The following CNOT1 variants were observed in gnomAD, a reference collection of about 807,000 sequenced individuals.
CNOT1 encodes CCR4-NOT transcription complex subunit 1.
CNOT1 carries 15 observed loss-of-function variants against 273.8 expected under a neutral mutation model. The observed-to-expected ratio is 0.05, with a 90% confidence interval of 0.04 to 0.08. CNOT1 has a LOEUF of 0.08. CNOT1 is among the 10% of genes least tolerant of loss of function. The pLI is 1.00. For synonymous variants in CNOT1, 1,022 were observed against 1,005.5 expected (o/e 1.02, Z -0.31); for missense variants, 1,644 against 2,912.2 (o/e 0.56, Z 10.02).
intron 34 of CNOT1, among the ~76,000 whole-genome samples, chr16:58,541,159 C>T (rs1290784130): frequency 3.3e-5 from 5 of 152,006 alleles, no homozygotes; most frequent in Admixed American, 6.5e-5. Flanking sequence ...GAGCTGAGAT[C>T]GCGCCACTGC....
rs1290438406 is a variant in CNOT1 at position 58,547,950 on chromosome 16, A to C, written c.3523-268T>G. Among the ~76,000 whole-genome samples the C allele has an allele frequency of 2.6e-5, 4 of 152,222 alleles. No individual in the cohort carries two copies. The highest frequency in any genetic ancestry group is 5.9e-5 in the Non-Finnish European group (4 of 68,036). ...ATTGCACAAAATTCAAAAAGAACAC[A>C]AAGTTATGTGCCAGCTATCCTCCCC... On this transcript the variant is annotated intron_variant, in intron 25 of 48. Transcript: ENST00000317147. The surrounding 1 kb of genome is among the most constrained non-coding windows in gnomAD (Gnocchi z 4.0).
In CNOT1 at chr16:58,547,476, C is replaced by A; in HGVS notation, c.3639+90G>T. 1 of 1,523,916 alleles carries A rather than the reference C, an allele frequency of 6.6e-7. No individual in the cohort carries two copies. The highest frequency in any genetic ancestry group is 8.8e-7 in the Non-Finnish European group (1 of 1,132,580). 94.4% of individuals were successfully genotyped at this position (1,523,916 alleles called of 1,614,324 possible). A position where few individuals can be genotyped will look rare whatever the true frequency, so the allele number is the denominator to read the frequency against. ...CGTGGGCCAAAATCTTACAAAACCC[C>A]AATAATCATTAAATAGCTCCAAACA... On this transcript the variant is annotated intron_variant, in intron 26 of 48. Transcript: ENST00000317147. This position sits in a 1 kb window ranked among gnomAD's most constrained non-coding sequence, Gnocchi z 4.0.
At chr16:58,586,074 T>G (rs995577989) in intron 7 of CNOT1, among the ~76,000 whole-genome samples, 1 of 149,714 alleles carries the variant, frequency 6.7e-6, no homozygotes. Flanking sequence ...AATGCCGATA[T>G]CCAAGGAGGT....
chr16:58,557,500 C>G (rs968154477), intron 18 of CNOT1, among the ~76,000 whole-genome samples: 5 of 152,092 alleles, frequency 3.3e-5, no homozygotes, highest in African/African-American at 1.2e-4. Context: ...TAGAAGCATA[C>G]AGTAGCAACG....
chr16:58,551,454 A>C (rs2040446147), intron 23 of CNOT1, 135 bp downstream of exon 23: 2 of 1,227,714 alleles, frequency 1.6e-6, no homozygotes, highest in Non-Finnish European at 2.3e-6. Flanking sequence ...GATGGGAGAT[A>C]CAAAGGAAGA....
intron 14 of CNOT1, among the ~76,000 whole-genome samples, chr16:58,575,409 A>C (rs2041422590): frequency 6.6e-6 from 1 of 152,182 alleles, no homozygotes; most frequent in Non-Finnish European, 1.5e-5. Flanking sequence ...ACAAGACTCA[A>C]AGCATGAATA....
In CNOT1 at chr16:58,614,499, G is replaced by A. The variant is rs530474823; in HGVS notation, c.-174-14988C>T. On this transcript the variant is annotated intron_variant, in intron 1 of 48. Coordinates refer to ENST00000317147, the MANE Select transcript of CNOT1 (RefSeq NM_016284.5). The stretch of plus-strand genomic sequence containing the variant: ...CAGGCCCCACCAATAATAACAATAG[G>A]CACTGAGTTTCTAGCAAAAGCTTCC... Among the ~76,000 whole-genome samples, 48 of 125,002 alleles carry A rather than the reference G, an allele frequency of 3.8e-4. 7 individuals are homozygous for A. Among genetic ancestry groups the A allele is most frequent in the African/African-American group, 1.3e-3 (48 of 37,108 alleles). 82.0% of individuals were successfully genotyped at this position (125,002 alleles called of 152,430 possible).
At chr16:58,545,948 C>G (rs981719344) in intron 29 of CNOT1, among the ~76,000 whole-genome samples, 1 of 152,196 alleles carries the variant, frequency 6.6e-6, no homozygotes, top group Admixed American at 6.5e-5. Flanking sequence ...ATAAAACAGT[C>G]CCATTCCCTT....
chr16:58,522,511 A>T (rs74769294), intron 47 of CNOT1, among the ~76,000 whole-genome samples: 3 of 123,598 alleles, frequency 2.4e-5, no homozygotes, highest in South Asian at 2.8e-4. Flanking sequence ...TAGGTGACTA[A>T]TTAGGCAAAT....
chr16:58,576,555 T>C lies in CNOT1; in HGVS notation c.1612A>G (p.Ile538Val), dbSNP rs770425261. The C allele has an allele frequency of 9.3e-6, 15 of 1,614,180 alleles. No individual in the cohort carries two copies. The Admixed American group carries it at 2.3e-4, about 25-fold the overall frequency. ...TACCATTCTGCCATTGCATGCATGA[T>C]AAGTTGGCGAATTGAGGGAGACTGT... ...QGQSPSIRQL[I>V]MHAMAEWYMR... Residue 538 changes from isoleucine to valine, a missense_variant, in exon 14 of 49, where the codon ATC becomes GTC. Coordinates refer to ENST00000317147, the MANE Select transcript of CNOT1 (RefSeq NM_016284.5).
intron 14 of CNOT1, 69 bp downstream of exon 14, chr16:58,576,394 A>C: frequency 1.9e-6 from 3 of 1,599,412 alleles, no homozygotes; most frequent in Non-Finnish European, 2.6e-6. Flanking sequence ...TACAGGCATG[A>C]GCCACCGCGC....
In CNOT1 at chr16:58,534,150, G is replaced by A. The variant is rs753732952; in HGVS notation, c.5892C>T (p.Asn1964=). 1 of 1,613,922 alleles carries A rather than the reference G, an allele frequency of 6.2e-7. No homozygotes were observed. The highest frequency in any genetic ancestry group is 8.5e-7 in the Non-Finnish European group (1 of 1,179,798). The change falls in exon 40 of 49, where the codon AAC becomes AAT. Residue 1964 remains asparagine, a synonymous_variant. Transcript: ENST00000317147. ...AAGGCAAGAAAGGATTTCAGACCTT[G>A]TTCAGCAGATTAATCTTTGTGACAG... ...TNTVTKINLL[N]KVLGIVVGVL...
intron 18 of CNOT1, among the ~76,000 whole-genome samples, 162 bp downstream of exon 18, chr16:58,558,311 T>C (rs1475237397): frequency 6.6e-6 from 1 of 152,230 alleles, no homozygotes; most frequent in East Asian, 1.9e-4. Flanking sequence ...GAATTGAATA[T>C]AATCTGTTTT....
chr16:58,594,995 A>G (rs979398939), intron 2 of CNOT1, among the ~76,000 whole-genome samples: 1 of 151,668 alleles, frequency 6.6e-6, no homozygotes, highest in Non-Finnish European at 1.5e-5. Context: ...GGCACCTGCA[A>G]TCTCAGCTAC....
intron 44 of CNOT1, 124 bp from the exon 45 acceptor site, chr16:58,526,262 G>T: frequency 1.2e-6 from 1 of 864,822 alleles, no homozygotes; most frequent in Non-Finnish European, 1.7e-6. Context: ...GAAGAGCACA[G>T]CTGCCACATT....
chr16:58,597,772 C>T, intron 2 of CNOT1: 1 of 498,528 alleles, frequency 2.0e-6, no homozygotes, highest in South Asian at 1.5e-5. Flanking sequence ...AGTCCAGGGG[C>T]CCAAGGCTCT....
intron 1 of CNOT1, among the ~76,000 whole-genome samples, chr16:58,620,774 T>C (rs2043282144): frequency 6.6e-6 from 1 of 151,840 alleles, no homozygotes; most frequent in African/African-American, 2.4e-5. Context: ...ACACTTATAA[T>C]TCCAGATGAA....
intron 16 of CNOT1, among the ~76,000 whole-genome samples, chr16:58,565,889 G>A (rs973454061): frequency 4.0e-5 from 6 of 150,580 alleles, no homozygotes; most frequent in African/African-American, 1.5e-4. Flanking sequence ...GTAGTGAGCC[G>A]AGTTCGCACC....
chr16:58,611,543 G>A (rs950277332), intron 1 of CNOT1, among the ~76,000 whole-genome samples: 6 of 152,106 alleles, frequency 3.9e-5, no homozygotes, highest in Non-Finnish European at 7.4e-5. Context: ...TTAAGAAGCC[G>A]GGAACAGTGG....
Sources: gnomAD v4.1 joint callset for allele counts (sites outside exome capture counted in the v4.1 genomes callset) on GRCh38, gnomAD v4.1.1 for gene constraint, Gnocchi (gnomAD v3.1) non-coding constraint, MANE v1.5 for transcripts, NCBI Gene and HGNC (gene_info 2026-07-23, HGNC 2026-07-21) for gene names.